Variants in CPQ observed in about 807,000 individuals in gnomAD.
The protein encoded by CPQ is Ser-Met dipeptidase.
A neutral mutation model predicts 45.7 loss-of-function variants in CPQ; 37 were observed. The ratio of observed to expected loss-of-function variants is 0.81; its 90% confidence interval spans 0.62 to 1.07. CPQ has a LOEUF of 1.07. Among genes scored for constraint, CPQ ranks in the 50% least tolerant of loss-of-function variants. The pLI is 0.00. For synonymous variants in CPQ, 186 were observed against 205.8 expected, an observed-to-expected ratio of 0.90 and a Z score of 0.82; for missense variants, 537 against 572.9, an observed-to-expected ratio of 0.94 and a Z score of 0.64.
At chr8:96,960,552 ATT>A (rs1813441765) in intron 4 of CPQ, among the ~76,000 whole-genome samples, 1 of 152,164 alleles carries the variant, frequency 6.6e-6, no homozygotes, top group Non-Finnish European at 1.5e-5. Flanking sequence ...TAATGGAAGG[ATT>A]ACACATGTTC....
chr8:96,714,357 T>G (rs1308868142), intron 1 of CPQ, among the ~76,000 whole-genome samples: 1 of 152,186 alleles, frequency 6.6e-6, no homozygotes, highest in Non-Finnish European at 1.5e-5. Context: ...ATTTCTATTT[T>G]TGTCTGATTG....
intron 1 of CPQ, among the ~76,000 whole-genome samples, chr8:96,670,075 A>G (rs1586351945): frequency 6.6e-6 from 1 of 152,176 alleles, no homozygotes; most frequent in African/African-American, 2.4e-5. Flanking sequence ...TCGCACACAC[A>G]TGTTTTCTCT....
chr8:96,961,323 G>C (rs1377596985), intron 4 of CPQ, among the ~76,000 whole-genome samples: 1 of 152,042 alleles, frequency 6.6e-6, no homozygotes, highest in Non-Finnish European at 1.5e-5. Flanking sequence ...CTTTTCAAAT[G>C]CTTGCTGTCA....
At chr8:96,835,419 C>T (rs1184166657) in intron 3 of CPQ, among the ~76,000 whole-genome samples, 1 of 152,214 alleles carries the variant, frequency 6.6e-6, no homozygotes, top group African/African-American at 2.4e-5. Flanking sequence ...CTTTTCACAT[C>T]CACAGTGATC....
chr8:96,880,122 T>C, intron 4 of CPQ, 117 bp downstream of exon 4: 1 of 805,832 alleles, frequency 1.2e-6, no homozygotes, highest in Non-Finnish European at 2.0e-6. Flanking sequence ...ATAGATTCGT[T>C]GAAGGCAGAA....
In CPQ at chr8:97,105,193, G is replaced by T. The variant is rs143672179; in HGVS notation, c.1256-37827G>T. 4.6e-5 allele frequency among the ~76,000 whole-genome samples: 7 copies of T among 152,242 alleles called. No individual in the cohort carries two copies. In the East Asian group the frequency reaches 1.4e-3, roughly 29 times the overall value. ...CACACAGCACATGCTGAAGTTTGGG[G>T]ATTTTTTTAGATTATAGTAAAATAG... On this transcript the variant is annotated intron_variant, in intron 7 of 7. Coordinates refer to ENST00000220763, the MANE Select transcript of CPQ (RefSeq NM_016134.4).
chr8:97,135,670 A>C (rs1263742748), intron 7 of CPQ, among the ~76,000 whole-genome samples: 2 of 152,166 alleles, frequency 1.3e-5, no homozygotes, highest in African/African-American at 4.8e-5. Flanking sequence ...TGATCAGGGA[A>C]TATCTATAAT....
At chr8:96,807,962 T>A (rs1427471066) in intron 2 of CPQ, among the ~76,000 whole-genome samples, 3 of 152,222 alleles carry the variant, frequency 2.0e-5, no homozygotes, top group Admixed American at 2.0e-4. Context: ...TGAACATATG[T>A]GAGGGATTCA....
At chr8:96,760,151 T>C (rs1177192959) in intron 1 of CPQ, among the ~76,000 whole-genome samples, 1 of 152,214 alleles carries the variant, frequency 6.6e-6, no homozygotes, top group African/African-American at 2.4e-5. Flanking sequence ...CATGATTCCC[T>C]GAGCTGTGAT....
intron 5 of CPQ, among the ~76,000 whole-genome samples, chr8:97,028,149 C>A (rs1809833155): frequency 6.6e-6 from 1 of 152,260 alleles, no homozygotes; most frequent in African/African-American, 2.4e-5. Flanking sequence ...TAAACCTATG[C>A]TTTTTAAGTT....
At chr8:96,912,570 T>C (rs1357925846) in intron 4 of CPQ, among the ~76,000 whole-genome samples, 1 of 152,336 alleles carries the variant, frequency 6.6e-6, no homozygotes, top group East Asian at 1.9e-4. Context: ...TTTTCATAGA[T>C]GTATTAAATC....
At chr8:96,970,248 G>C (rs1813642248) in intron 5 of CPQ, among the ~76,000 whole-genome samples, 1 of 152,150 alleles carries the variant, frequency 6.6e-6, no homozygotes, top group Admixed American at 6.5e-5. Context: ...ACGAATCTGG[G>C]ACTAGCCCAG....
rs1192058393 is a variant in CPQ at position 96,693,576 on chromosome 8, G to GA, written c.-35+48180dup. Among the ~76,000 whole-genome samples, 4 of 151,912 alleles carry GA rather than the reference G, an allele frequency of 2.6e-5. No individual in the cohort carries two copies. The East Asian group carries it at 7.7e-4, about 29-fold the overall frequency. The stretch of plus-strand genomic sequence containing the variant: ...GCATGACATATTAAAAGTGCCAAAA[G>GA]AAAAAATCTTTTACCATGGAATAGT... On this transcript the variant is annotated intron_variant, in intron 1 of 7. Transcript: ENST00000220763.
Position 96,899,586 on chromosome 8 carries a change from G to A in CPQ, c.849+19581G>A, listed in dbSNP as rs1277307067. On this transcript the variant is annotated intron_variant, in intron 4 of 7. Coordinates refer to ENST00000220763, the MANE Select transcript of CPQ (RefSeq NM_016134.4). ...GGAGAAGCAGGCAACTCACGTGGCG[G>A]GAGTGGGAGCAAGAGAGAGAGAGTG... 7.9e-5 allele frequency among the ~76,000 whole-genome samples: 12 copies of A among 152,164 alleles called. No homozygotes were observed. In the South Asian group the frequency reaches 2.5e-3, roughly 32 times the overall value.
Position 96,986,324 on chromosome 8 carries a change from A to G in CPQ, c.961+20278A>G, listed in dbSNP as rs376360992. The stretch of plus-strand genomic sequence containing the variant: ...TTAGAAAATTCGATTGGACCATCAA[A>G]GCAAATGTGTTCTTTTATGGTTTAT... On this transcript the variant is annotated intron_variant, in intron 5 of 7. Transcript: ENST00000220763. 5.9e-5 allele frequency among the ~76,000 whole-genome samples: 9 copies of G among 152,322 alleles called. No individual in the cohort carries two copies. The East Asian group carries it at 1.7e-3, about 29-fold the overall frequency.
intron 1 of CPQ, among the ~76,000 whole-genome samples, chr8:96,707,666 T>G (rs1199720015): frequency 1.3e-4 from 19 of 146,190 alleles, no homozygotes; most frequent in Non-Finnish European, 2.4e-4. Flanking sequence ...TTCATTTTAA[T>G]GAATGAATGA....
chr8:97,029,324 C>T, intron 5 of CPQ, 79 bp from the exon 6 acceptor site: 1 of 1,349,208 alleles, frequency 7.4e-7, no homozygotes, highest in Non-Finnish European at 1.0e-6. Context: ...CTCCACAAGG[C>T]AGATGAGGGA....
At position 96,965,945 on chromosome 8, in the gene CPQ, T is replaced by A; in HGVS notation, c.860T>A (p.Val287Asp). 1 of 1,611,948 alleles carries A rather than the reference T, an allele frequency of 6.2e-7. No individual in the cohort carries two copies. Among genetic ancestry groups the A allele is most frequent in the Non-Finnish European group, 8.5e-7 (1 of 1,179,006 alleles). The change falls in exon 5 of 8, where the codon GTC (valine) becomes GAC (aspartate). Residue 287 changes from valine (V) to aspartate (D), a missense_variant. Coordinates refer to ENST00000220763, the MANE Select transcript of CPQ (RefSeq NM_016134.4). ...TATTATTTGTTCTAGGTTGTACTGG[T>A]CAGTGGACATCTGGACAGCTGGGAT... ...GSKYPEQVVL[V>D]SGHLDSWDVG...
intron 4 of CPQ, among the ~76,000 whole-genome samples, chr8:96,907,958 C>A (rs1017137494): frequency 2.6e-5 from 4 of 152,056 alleles, no homozygotes; most frequent in Admixed American, 1.3e-4. Context: ...ATTGGAGGCT[C>A]TGAACATTAA....
Sources: allele counts gnomAD v4.1 joint callset (sites outside exome capture counted in the v4.1 genomes callset), GRCh38; gene constraint gnomAD v4.1.1; transcripts MANE v1.5; gene names NCBI Gene and HGNC (gene_info 2026-07-23, HGNC 2026-07-21).